The following PTCHD4 variants were observed in gnomAD, a reference collection of about 807,000 sequenced individuals.
The protein encoded by PTCHD4 is patched domain-containing protein 4.
In PTCHD4, 33 loss-of-function variants were observed where a neutral mutation model predicts 58.1. The ratio of observed to expected loss-of-function variants is 0.57; its 90% CI spans 0.43 to 0.76. PTCHD4 has a LOEUF of 0.76. Ranked by LOEUF, PTCHD4 falls within the 30% of genes least tolerant of loss-of-function variation. The pLI, the probability that PTCHD4 is intolerant of heterozygous loss-of-function variation, is 0.00. For missense variants in PTCHD4, 1,058 were observed against 1,027.1 expected (o/e 1.03, Z -0.41); for synonymous variants, 478 against 409.6 (o/e 1.17, Z -2.02).
At chr6:47,981,715 G>A (rs1422702315) in intron 4 of PTCHD4, among the ~76,000 whole-genome samples, 2 of 152,184 alleles carry the variant, frequency 1.3e-5, no homozygotes, top group Non-Finnish European at 2.9e-5. Context: ...TTGCCCTCAA[G>A]CAGTCTTAAA....
intron 3 of PTCHD4, among the ~76,000 whole-genome samples, chr6:48,038,977 GA>G (rs1266245367): frequency 6.6e-6 from 1 of 152,134 alleles, no homozygotes; most frequent in Non-Finnish European, 1.5e-5. Context: ...ACCACTTTGA[GA>G]AACCTTTGGA....
chr6:47,910,255 C>T (rs889811169), intron 4 of PTCHD4, among the ~76,000 whole-genome samples: 2 of 152,150 alleles, frequency 1.3e-5, no homozygotes, highest in African/African-American at 4.8e-5. Context: ...CTGTTTACCT[C>T]TTGCCTCACC....
At chr6:48,021,807 G>A (rs938776423) in intron 3 of PTCHD4, among the ~76,000 whole-genome samples, 3 of 152,010 alleles carry the variant, frequency 2.0e-5, no homozygotes, top group Admixed American at 6.6e-5. Context: ...TCAAAGAAAC[G>A]TCTTCGGATT....
chr6:48,069,228 A>G lies in PTCHD4; in HGVS notation c.-271T>C, dbSNP rs1205181597. On this transcript the variant is annotated 5_prime_UTR_variant, in exon 2 of 5. Transcript: ENST00000339488. ...GCAGATAAGCTTTTTTCTTTTTTTA[A>G]GATGCTGACAGTTATTTTTAGAGTT... 6.7e-6 allele frequency among the ~76,000 whole-genome samples: 1 copy of G among 148,608 alleles called. No homozygotes were observed. The highest frequency in any genetic ancestry group is 1.5e-5 in the Non-Finnish European group (1 of 67,402).
intron 4 of PTCHD4, among the ~76,000 whole-genome samples, chr6:47,974,266 C>T (rs1051971084): frequency 2.6e-5 from 4 of 152,270 alleles, no homozygotes; most frequent in Admixed American, 6.5e-5. Flanking sequence ...GCTAACCTTT[C>T]GTATGTCCTT....
chr6:48,033,749 T>C (rs1472149121), intron 3 of PTCHD4, among the ~76,000 whole-genome samples: 2 of 152,060 alleles, frequency 1.3e-5, no homozygotes, highest in Non-Finnish European at 2.9e-5. Context: ...AAAAGGGTAG[T>C]TGGACCAACA....
At chr6:48,012,550 T>C (rs1762717250) in intron 3 of PTCHD4, among the ~76,000 whole-genome samples, 1 of 152,274 alleles carries the variant, frequency 6.6e-6, no homozygotes, top group East Asian at 1.9e-4. Context: ...CTCTTCCTAT[T>C]TGAATACGCT....
chr6:47,903,547 C>T (rs1764780412), intron 4 of PTCHD4, among the ~76,000 whole-genome samples: 3 of 151,966 alleles, frequency 2.0e-5, no homozygotes. Flanking sequence ...ACTCCTGGGC[C>T]CAAGCGATCT....
chr6:48,093,442 T>G (rs1209449292), intron 1 of PTCHD4, among the ~76,000 whole-genome samples: 2 of 152,140 alleles, frequency 1.3e-5, no homozygotes, highest in African/African-American at 4.8e-5. Context: ...TAACTGTTTT[T>G]TCTTTTTTTG....
intron 3 of PTCHD4, among the ~76,000 whole-genome samples, chr6:48,047,755 GA>G (rs1214713408): frequency 1.3e-5 from 2 of 151,836 alleles, no homozygotes; most frequent in African/African-American, 4.8e-5. Flanking sequence ...TGTGAGGACA[GA>G]GAGAGAAAAG....
At position 47,877,276 on chromosome 6, in the gene PTCHD4, A is replaced by G. The variant is rs1454306758; in HGVS notation, c.*1027T>C. On this transcript the variant is annotated 3_prime_UTR_variant, in exon 5 of 5. Coordinates refer to ENST00000339488, the MANE Select transcript of PTCHD4 (RefSeq NM_001384253.1). ...TATCTAAAATAAGAACGGTGTAACT[A>G]TGGAGTACCCCAACTCACATACACA... is the stretch of plus-strand genomic sequence containing the variant. Among the ~76,000 whole-genome samples the G allele has an allele frequency of 6.6e-6, 1 of 151,998 alleles. No individual in the cohort carries two copies. Among genetic ancestry groups the G allele is most frequent in the Non-Finnish European group, 1.5e-5 (1 of 67,968 alleles).
chr6:47,963,468 C>A (rs1454123577), intron 4 of PTCHD4, among the ~76,000 whole-genome samples: 2 of 152,200 alleles, frequency 1.3e-5, no homozygotes, highest in South Asian at 4.1e-4. Context: ...TATGATCCAG[C>A]AATCCCACTT....
rs542527887 is a variant in PTCHD4 at position 48,002,776 on chromosome 6, ATAAT to A, written c.898+5854_898+5857del. Among the ~76,000 whole-genome samples the A allele has an allele frequency of 2.3e-3, 348 of 151,644 alleles. 2 individuals are homozygous for A. The highest frequency in any genetic ancestry group is 7.8e-3 in the African/African-American group (322 of 41,406). ...AAGTATAATAATAATAATAATAATA[ATAAT>A]TGTCTTTATTCACTATCTTCACTTC... On this transcript the variant is annotated intron_variant, in intron 4 of 4. Transcript: ENST00000339488.
chr6:47,920,039 G>A (rs1765382779), intron 4 of PTCHD4, among the ~76,000 whole-genome samples: 1 of 152,074 alleles, frequency 6.6e-6, no homozygotes, highest in Admixed American at 6.6e-5. Context: ...GTCCCTGAAT[G>A]ACTGTATGGA....
chr6:47,999,042 T>A (rs1768611795), intron 4 of PTCHD4, among the ~76,000 whole-genome samples: 1 of 152,186 alleles, frequency 6.6e-6, no homozygotes, highest in Non-Finnish European at 1.5e-5. Context: ...ATGGCAAAGA[T>A]GCCAAGGAGA....
At chr6:48,044,671 G>C (rs570291807) in intron 3 of PTCHD4, among the ~76,000 whole-genome samples, 169 of 151,918 alleles carry the variant, frequency 1.1e-3, no homozygotes, top group African/African-American at 4.0e-3. Flanking sequence ...ACTGACACTT[G>C]GCCTAGAGCA....
At position 47,864,794 on chromosome 6, in the gene PTCHD4, A is replaced by C. The variant is rs1025185439; in HGVS notation, c.*13509T>G. On this transcript the variant is annotated 3_prime_UTR_variant, in exon 5 of 5. Transcript: ENST00000339488. ...TTTGACAGGACAATTATACCATAGG[A>C]AAAGTTTTGAATTAGAGACAGGCCA... Among the ~76,000 whole-genome samples, 4 of 151,980 alleles carry C rather than the reference A, an allele frequency of 2.6e-5. No individual in the cohort carries two copies.
chr6:47,898,061 C>T (rs1171379595), intron 4 of PTCHD4, among the ~76,000 whole-genome samples: 2 of 150,802 alleles, frequency 1.3e-5, no homozygotes, highest in African/African-American at 2.4e-5. Context: ...TCTCCTGCCG[C>T]AGCCTCCCGA....
Position 47,983,246 on chromosome 6 carries a change from C to CT in PTCHD4, c.898+25387dup, listed in dbSNP as rs201374190. ...TAAAGTATATGAGGGATTTTTGTTG[C>CT]TTTTTTTTGTTCCTGCAGTAGAAAA... On this transcript the variant is annotated intron_variant, in intron 4 of 4. Coordinates refer to ENST00000339488, the MANE Select transcript of PTCHD4 (RefSeq NM_001384253.1). Among the ~76,000 whole-genome samples the CT allele has an allele frequency of 1.4e-3, 214 of 151,826 alleles. 3 individuals carry two copies. The East Asian group carries it at 0.033, about 23-fold the overall frequency.
Sources: allele counts gnomAD v4.1 joint callset (sites outside exome capture counted in the v4.1 genomes callset), GRCh38; gene constraint gnomAD v4.1.1; transcripts MANE v1.5; gene names NCBI Gene and HGNC (gene_info 2026-07-23, HGNC 2026-07-21).